DTNBP1: variants seen among roughly 807,000 people sequenced by gnomAD.
DTNBP1 encodes the protein dystrobrevin binding protein 1, also known as dysbindin.
Under a neutral mutation model 42.8 loss-of-function variants are expected in DTNBP1, and 35 were observed. That is an observed-to-expected ratio of 0.82 (90% confidence interval 0.63 to 1.09). The LOEUF (loss-of-function observed/expected upper bound fraction) is 1.09, where lower values mean the gene tolerates loss of function less well. DTNBP1 is among the 50% of genes least tolerant of loss of function. The probability of loss-of-function intolerance (pLI) is 0.00; values close to 1 mark genes in which losing one functional copy is unlikely to be tolerated. For missense variants in DTNBP1, 457 were observed against 424.2 expected (o/e 1.08, Z -0.68); for synonymous variants, 171 against 162.2 (o/e 1.05, Z -0.41).
intron 7 of DTNBP1, among the ~76,000 whole-genome samples, chr6:15,559,018 T>C (rs1336091336): frequency 6.6e-6 from 1 of 152,242 alleles, no homozygotes. Context: ...AAAAGCAAAT[T>C]TGAGCGATTT....
intron 1 of DTNBP1, among the ~76,000 whole-genome samples, chr6:15,655,975 C>A (rs1431045513): frequency 3.3e-5 from 5 of 152,106 alleles, no homozygotes; most frequent in Non-Finnish European, 7.4e-5. Context: ...GAAATACTGA[C>A]CTAGGGGGAA....
intron 7 of DTNBP1, among the ~76,000 whole-genome samples, chr6:15,572,037 G>T (rs532239422): frequency 6.6e-6 from 1 of 152,176 alleles, no homozygotes; most frequent in South Asian, 2.1e-4. Flanking sequence ...ATTAAAGAAA[G>T]TGACACCCTG....
At chr6:15,620,711 C>A (rs989111973) in intron 5 of DTNBP1, among the ~76,000 whole-genome samples, 1 of 152,124 alleles carries the variant, frequency 6.6e-6, no homozygotes, top group East Asian at 1.9e-4. Flanking sequence ...ATATAGACTC[C>A]ATTTAACTCT....
intron 7 of DTNBP1, among the ~76,000 whole-genome samples, chr6:15,538,981 C>T (rs1773403123): frequency 6.6e-6 from 1 of 152,150 alleles, no homozygotes; most frequent in Non-Finnish European, 1.5e-5. Flanking sequence ...CGTTATCTGC[C>T]TTAGTCCCTG....
intron 6 of DTNBP1, chr6:15,595,245 T>C (rs1055449851): frequency 1.3e-4 from 54 of 422,600 alleles, no homozygotes; most frequent in Middle Eastern, 3.8e-4. Flanking sequence ...ATCAGTATTA[T>C]GCAACTTTTT....
chr6:15,597,753 A>G (rs1411656639), intron 6 of DTNBP1, among the ~76,000 whole-genome samples: 1 of 152,220 alleles, frequency 6.6e-6, no homozygotes, highest in African/African-American at 2.4e-5. Context: ...AGTTGGACCC[A>G]ACAGACACTC....
In DTNBP1 at chr6:15,548,434, C is replaced by CACAG. The variant is rs1164941385; in HGVS notation, c.512-15043_512-15040dup. ...TTCTTAATCTCTAAGCTTAAACACA[C>CACAG]ACAGACACACACACACACACACACA... On this transcript the variant is annotated intron_variant, in intron 7 of 9. Transcript: ENST00000344537. The CACAG allele has an allele frequency of 1.9e-3, 200 of 105,170 alleles. 1 individual carries two copies. The highest frequency in any genetic ancestry group is 7.6e-3 in the African/African-American group (194 of 25,564). 6.5% of individuals were successfully genotyped at this position (105,170 alleles called of 1,614,324 possible).
chr6:15,558,186 C>G, intron 7 of DTNBP1, among the ~76,000 whole-genome samples: 1 of 151,726 alleles, frequency 6.6e-6, no homozygotes, highest in East Asian at 1.9e-4. Flanking sequence ...TATGGCTGCC[C>G]AAAGACATTT....
intron 7 of DTNBP1, among the ~76,000 whole-genome samples, chr6:15,574,520 C>T (rs1775480839): frequency 6.6e-6 from 1 of 152,196 alleles, no homozygotes; most frequent in Non-Finnish European, 1.5e-5. Context: ...ATTTTAGATG[C>T]CTTGTTATTC....
chr6:15,647,110 A>G (rs1304175453), intron 3 of DTNBP1, among the ~76,000 whole-genome samples: 1 of 152,072 alleles, frequency 6.6e-6, no homozygotes, highest in Non-Finnish European at 1.5e-5. Context: ...GCATCCATCA[A>G]AAGACTAATA....
At chr6:15,608,669 C>A (rs1356195599) in intron 6 of DTNBP1, among the ~76,000 whole-genome samples, 1 of 152,224 alleles carries the variant, frequency 6.6e-6, no homozygotes, top group Non-Finnish European at 1.5e-5. Flanking sequence ...GTGTCCACAT[C>A]CACCACACTG....
chr6:15,568,145 A>T (rs1021261394), intron 7 of DTNBP1, among the ~76,000 whole-genome samples: 2 of 152,148 alleles, frequency 1.3e-5, no homozygotes, highest in Admixed American at 6.5e-5. Flanking sequence ...TAGGTCCAAG[A>T]TCCTCTTCAG....
intron 7 of DTNBP1, among the ~76,000 whole-genome samples, chr6:15,544,520 C>T (rs915566174): frequency 2.0e-5 from 3 of 152,166 alleles, no homozygotes; most frequent in African/African-American, 7.2e-5. Flanking sequence ...ATTTTACATC[C>T]CCATCATCAC....
intron 3 of DTNBP1, among the ~76,000 whole-genome samples, chr6:15,638,783 C>T (rs753281607): frequency 1.2e-4 from 18 of 150,670 alleles, no homozygotes; most frequent in Non-Finnish European, 2.4e-4. Context: ...CAGTTAATTA[C>T]AAGGAAATAG....
chr6:15,532,298 GGAA>G (rs747639084), intron 8 of DTNBP1, among the ~76,000 whole-genome samples: 122 of 152,374 alleles, frequency 8.0e-4, no homozygotes, highest in Admixed American at 2.0e-3. Flanking sequence ...GGAAAAGCTG[GGAA>G]GAAGGAGTTC....
chr6:15,536,342 G>A (rs1036141627), intron 7 of DTNBP1, among the ~76,000 whole-genome samples: 1 of 152,238 alleles, frequency 6.6e-6, no homozygotes, highest in Admixed American at 6.5e-5. Context: ...CTGAGGCCTA[G>A]GAGGAAAAAT....
Position 15,524,814 on chromosome 6 carries a change from T to C in DTNBP1, c.668-145A>G. ...TGAAGCAACGTATTAGTAGATGACA[T>C]ATGCCAGTCTGGCACTTTAAATGCA... On this transcript the variant is annotated intron_variant, in intron 8 of 9. Transcript: ENST00000344537. The C allele has an allele frequency of 7.1e-6, 9 of 1,267,606 alleles. 1 individual carries two copies. In the South Asian group the frequency reaches 1.1e-4, roughly 16 times the overall value. 78.5% of individuals were successfully genotyped at this position (1,267,606 alleles called of 1,614,324 possible).
At position 15,662,971 on chromosome 6, in the gene DTNBP1, C is replaced by A. The variant is rs1173164061; in HGVS notation, c.-102G>T. On this transcript the variant is annotated 5_prime_UTR_variant, in exon 1 of 10. Transcript: ENST00000344537. ...AACCCCGCGCTGTCACCGCGCGCCC[C>A]GCACTCCCACTACCGGCCCCGCCCC... 4 of 1,510,690 alleles carry A rather than the reference C, an allele frequency of 2.6e-6. No individual in the cohort carries two copies. The highest frequency in any genetic ancestry group is 2.3e-5 in the South Asian group (2 of 88,820). 93.6% of individuals were successfully genotyped at this position (1,510,690 alleles called of 1,614,324 possible).
At chr6:15,651,499 G>C (rs1321932900) in intron 2 of DTNBP1, 136 bp from the exon 3 acceptor site, 9 of 1,234,214 alleles carry the variant, frequency 7.3e-6, no homozygotes, top group Non-Finnish European at 1.0e-5. Context: ...TAAACTTTTA[G>C]AGAAATGTGT....
Sources: allele counts gnomAD v4.1 joint callset (sites outside exome capture counted in the v4.1 genomes callset), GRCh38; gene constraint gnomAD v4.1.1; transcripts MANE v1.5; gene names NCBI Gene and HGNC (gene_info 2026-07-23, HGNC 2026-07-21).